RAB11FIP4: variants seen among roughly 807,000 people sequenced by gnomAD.
RAB11FIP4 encodes the protein rab11 family-interacting protein 4.
In RAB11FIP4, 23 loss-of-function variants were observed where a neutral mutation model predicts 74.3. The observed-to-expected ratio is 0.31, with a 90% CI of 0.22 to 0.44. The LOEUF is 0.44. Ranked by LOEUF, RAB11FIP4 falls within the 20% of genes least tolerant of loss-of-function variation. The pLI is 1.00. For synonymous variants in RAB11FIP4, 360 were observed against 359.9 expected, an observed-to-expected ratio of 1.00 and a Z score of 0.00; for missense variants, 630 against 863.9, an observed-to-expected ratio of 0.73 and a Z score of 3.39.
chr17:31,530,250 G>A (rs1483969913), intron 13 of RAB11FIP4, 76 bp from the exon 14 acceptor site: 4 of 1,569,690 alleles, frequency 2.5e-6, no homozygotes, highest in Non-Finnish European at 2.6e-6. Context: ...CGGGGACGGT[G>A]GATGTGGAGA....
Position 31,410,587 on chromosome 17 carries a change from A to T in RAB11FIP4, c.159+18576A>T, listed in dbSNP as rs146715903. On this transcript the variant is annotated intron_variant, in intron 1 of 14. Coordinates refer to ENST00000621161, the MANE Select transcript of RAB11FIP4 (RefSeq NM_032932.6). ...AAATTGGCCAGGCATGGTGGTGCGC[A>T]CCTGTAGTCCCAGCACTGCACCGAG... Among the ~76,000 whole-genome samples, 1,159 of 151,648 alleles carry T rather than the reference A, an allele frequency of 7.6e-3. 11 individuals carry two copies. The highest frequency in any genetic ancestry group is 0.027 in the African/African-American group (1,106 of 41,262).
chr17:31,449,072 T>A (rs2071498588), intron 3 of RAB11FIP4, among the ~76,000 whole-genome samples: 1 of 152,074 alleles, frequency 6.6e-6, no homozygotes, highest in Non-Finnish European at 1.5e-5. Flanking sequence ...CTCAGGGGAA[T>A]CATTCAGGAC....
intron 13 of RAB11FIP4, among the ~76,000 whole-genome samples, chr17:31,529,573 A>G (rs1272972440): frequency 6.6e-6 from 1 of 152,146 alleles, no homozygotes. Flanking sequence ...TAGCCAGAAG[A>G]TTACATTTCA....
intron 1 of RAB11FIP4, among the ~76,000 whole-genome samples, chr17:31,392,967 G>C (rs2070890305): frequency 6.6e-6 from 1 of 152,236 alleles, no homozygotes. Context: ...ATGGGCACTG[G>C]CTGGCATTGT....
intron 3 of RAB11FIP4, among the ~76,000 whole-genome samples, chr17:31,445,578 A>ATAT (rs1555544413): frequency 2.5e-4 from 4 of 16,300 alleles, no homozygotes; most frequent in Non-Finnish European, 4.4e-4. Flanking sequence ...ATATATATAT[A>ATAT]TTTTTTTTTT....
intron 5 of RAB11FIP4, among the ~76,000 whole-genome samples, 167 bp downstream of exon 5, chr17:31,521,527 T>C (rs924945151): frequency 6.6e-6 from 1 of 151,936 alleles, no homozygotes; most frequent in African/African-American, 2.4e-5. Context: ...GCACCCTGAT[T>C]AGGGGTCAGG....
intron 3 of RAB11FIP4, among the ~76,000 whole-genome samples, chr17:31,499,455 A>G (rs2072177328): frequency 6.6e-6 from 1 of 152,084 alleles, no homozygotes; most frequent in Non-Finnish European, 1.5e-5. Flanking sequence ...TCCCTGGTTC[A>G]AGCGATTCTC....
chr17:31,463,803 C>CTTTTTTTTTTTTTTTTTTTTTTTT (rs60955293), intron 3 of RAB11FIP4, among the ~76,000 whole-genome samples: 1 of 32,822 alleles, frequency 3.0e-5, no homozygotes, highest in African/African-American at 1.1e-4. Context: ...TGCGCCTGGA[C>CTTTTTTTTTTTTTTTTTTTTTTTT]TTTTTTTTTT....
intron 1 of RAB11FIP4, among the ~76,000 whole-genome samples, chr17:31,409,918 A>T (rs1175021882): frequency 6.6e-6 from 1 of 152,048 alleles, no homozygotes; most frequent in Non-Finnish European, 1.5e-5. Flanking sequence ...AGGCTGCTAG[A>T]TGGTTTGGGA....
intron 3 of RAB11FIP4, among the ~76,000 whole-genome samples, chr17:31,487,667 G>A (rs551261767): frequency 3.2e-4 from 48 of 152,156 alleles, no homozygotes; most frequent in Non-Finnish European, 4.9e-4. Context: ...TGTGAGCCGG[G>A]GAGCGCCGGC....
chr17:31,528,556 C>A lies in RAB11FIP4; in HGVS notation c.1494+13C>A. ...GGCGACGCAGGAGGTAGGTCCCAGG[C>A]CAGCAGGCACCAGGGCTCCTTCCAG... is the stretch of plus-strand genomic sequence containing the variant. On this transcript the variant is annotated intron_variant, in intron 12 of 14. Transcript: ENST00000621161. 6.2e-7 allele frequency: 1 copy of A among 1,613,608 alleles called. No homozygotes were observed. The highest frequency in any genetic ancestry group is 8.5e-7 in the Non-Finnish European group (1 of 1,179,900).
At chr17:31,502,223 CAAAA>C (rs551229045) in intron 3 of RAB11FIP4, among the ~76,000 whole-genome samples, 1 of 138,506 alleles carries the variant, frequency 7.2e-6, no homozygotes, top group Non-Finnish European at 1.6e-5. Flanking sequence ...TACCTTGTCT[CAAAA>C]AAAAAAAAAA....
chr17:31,504,132 C>CTT (rs1380330116), intron 3 of RAB11FIP4, among the ~76,000 whole-genome samples: 3,974 of 136,190 alleles, frequency 0.029, 495 homozygotes, highest in African/African-American at 0.11. Flanking sequence ...ACTACTACTT[C>CTT]TTTTTTTTTT....
At chr17:31,422,684 A>G (rs1422322957) in intron 1 of RAB11FIP4, among the ~76,000 whole-genome samples, 2 of 152,080 alleles carry the variant, frequency 1.3e-5, no homozygotes, top group African/African-American at 4.8e-5. Context: ...TCTGCTATTG[A>G]TCCAATCCAA....
intron 3 of RAB11FIP4, among the ~76,000 whole-genome samples, chr17:31,516,988 C>A (rs1345901046): frequency 2.6e-5 from 4 of 151,444 alleles, no homozygotes; most frequent in Non-Finnish European, 5.9e-5. Context: ...CAAAGTTACA[C>A]CCTATGCAAA....
At chr17:31,415,921 C>A (rs970319041) in intron 1 of RAB11FIP4, among the ~76,000 whole-genome samples, 4 of 152,198 alleles carry the variant, frequency 2.6e-5, no homozygotes, top group African/African-American at 9.7e-5. Flanking sequence ...CCTGGCACAT[C>A]CATGGCACTC....
At position 31,523,880 on chromosome 17, in the gene RAB11FIP4, C is replaced by T. The variant is rs2072715325; in HGVS notation, c.1030-13C>T. 2.5e-6 allele frequency: 4 copies of T among 1,593,636 alleles called. No individual in the cohort carries two copies. The highest frequency in any genetic ancestry group is 1.7e-6 in the Non-Finnish European group (2 of 1,166,698). On this transcript the variant is annotated splice_polypyrimidine_tract_variant and intron_variant, in intron 8 of 14. Coordinates refer to ENST00000621161, the MANE Select transcript of RAB11FIP4 (RefSeq NM_032932.6). The stretch of plus-strand genomic sequence containing the variant: ...AGAGGTCTTCTCCACCCCACCCCGG[C>T]CCCCTGCTGCAGGTAAGCTTCCTGG...
intron 10 of RAB11FIP4, chr17:31,525,670 G>T (rs147462244): frequency 0.016 from 2,896 of 183,238 alleles, 97 homozygotes; most frequent in African/African-American, 0.065. Flanking sequence ...ACAAGGAGCA[G>T]CCCCGGGCCA....
At chr17:31,485,824 G>A (rs1047771158) in intron 3 of RAB11FIP4, among the ~76,000 whole-genome samples, 1 of 152,190 alleles carries the variant, frequency 6.6e-6, no homozygotes, top group Non-Finnish European at 1.5e-5. Flanking sequence ...TCTTAGAGAA[G>A]TAACAGAACT....
Sources: allele counts gnomAD v4.1 joint callset (sites outside exome capture counted in the v4.1 genomes callset), GRCh38; gene constraint gnomAD v4.1.1; transcripts MANE v1.5; gene names NCBI Gene and HGNC (gene_info 2026-07-23, HGNC 2026-07-21).